Variants in TMEM207 observed in about 807,000 individuals in gnomAD.
TMEM207 encodes the protein SRSR846.
Under a neutral mutation model 17.4 loss-of-function variants are expected in TMEM207, and 15 were observed. That is an observed-to-expected ratio of 0.86 (90% CI 0.58 to 1.33). The LOEUF is 1.33. TMEM207 is among the 40% of genes most tolerant of loss of function. The probability of loss-of-function intolerance (pLI) is 0.00; values close to 1 mark genes in which losing one functional copy is unlikely to be tolerated. For missense variants in TMEM207, 205 were observed against 173.8 expected (o/e 1.18, Z -1.01); for synonymous variants, 70 against 65.6 (o/e 1.07, Z -0.33).
intron 4 of TMEM207, among the ~76,000 whole-genome samples, chr3:190,431,807 TAG>T (rs1286575559): frequency 1.3e-5 from 2 of 152,212 alleles, no homozygotes; most frequent in African/African-American, 2.4e-5. Flanking sequence ...CTCCCAGTAA[TAG>T]AGTCTTCACA....
chr3:190,433,893 T>C (rs139455454), intron 4 of TMEM207, among the ~76,000 whole-genome samples: 54 of 152,208 alleles, frequency 3.5e-4, no homozygotes, highest in African/African-American at 1.3e-3. Flanking sequence ...TCACGAGATC[T>C]GATTGTTTAA....
chr3:190,431,242 T>C (rs890504473), intron 4 of TMEM207, among the ~76,000 whole-genome samples: 1 of 152,044 alleles, frequency 6.6e-6, no homozygotes, highest in African/African-American at 2.4e-5. Flanking sequence ...GCAATAAGGG[T>C]ATAATACTCG....
intron 4 of TMEM207, among the ~76,000 whole-genome samples, chr3:190,431,296 T>G (rs1380042771): frequency 6.6e-6 from 1 of 152,102 alleles, no homozygotes; most frequent in Non-Finnish European, 1.5e-5. Flanking sequence ...ATAAAGTACT[T>G]AAAACAAGGC....
At chr3:190,442,982 C>T (rs1719965793) in intron 2 of TMEM207, among the ~76,000 whole-genome samples, 2 of 152,164 alleles carry the variant, frequency 1.3e-5, no homozygotes, top group South Asian at 4.1e-4. Flanking sequence ...ATGAAAAACT[C>T]TATCCCTTTC....
At position 190,440,280 on chromosome 3, in the gene TMEM207, C is replaced by T. The variant is rs767957861; in HGVS notation, c.268G>A (p.Ala90Thr). ...TCCAAGTCTCCAACAGCAAAAACTGCCATGGTGCGCCTGTGAGAATCAATT... is the reference window on the plus strand; with the variant it reads ...TCCAAGTCTCCAACAGCAAAAACTGTCATGGTGCGCCTGTGAGAATCAATT... ...PRIDSHRRTMAVFAVGDLDSI... is the reference protein window; with the variant it reads ...PRIDSHRRTMTVFAVGDLDSI... Residue 90 changes from alanine to threonine, a missense_variant, in exon 4 of 5, where the codon GCA becomes ACA. By Grantham distance (58) the Ala-to-Thr change is moderately conservative (BLOSUM62 0). Transcript: ENST00000354905. The T allele has an allele frequency of 1.2e-6, 2 of 1,613,848 alleles. No individual in the cohort carries two copies. Among genetic ancestry groups the T allele is most frequent in the Admixed American group, 1.7e-5 (1 of 59,984 alleles).
rs1387258416 is a variant in TMEM207, at chr3:190,443,767, A to T, written c.114-2285T>A. Reference sequence around the variant, plus strand: ...ATTACTCAAATATTACTTCCAAGATATTCAGTATAGGAAAGGTTATATTTT... The same window carrying T: ...ATTACTCAAATATTACTTCCAAGATTTTCAGTATAGGAAAGGTTATATTTT... On this transcript the variant is annotated intron_variant, in intron 2 of 4. Coordinates refer to ENST00000354905, the MANE Select transcript of TMEM207 (RefSeq NM_207316.3). Among the ~76,000 whole-genome samples the T allele has an allele frequency of 2.0e-5, 3 of 152,212 alleles. No individual in the cohort carries two copies. The East Asian group carries it at 5.8e-4, about 29-fold the overall frequency.
rs371252654 is a variant in TMEM207, at chr3:190,441,471, T to C, written c.125A>G (p.Tyr42Cys). The C allele has an allele frequency of 1.3e-5, 21 of 1,611,668 alleles. No homozygotes were observed. In the South Asian group the frequency reaches 1.4e-4, roughly 11 times the overall value. Reference sequence around the variant, plus strand: ...CCAGCCATTAGGGTGTTGGTCATTATAATTTACACACCTGGTGATAAAGGG... The same window carrying C: ...CCAGCCATTAGGGTGTTGGTCATTACAATTTACACACCTGGTGATAAAGGG... ...PCEEDEMCVN[Y>C]NDQHPNGWYI... The change falls in exon 3 of 5, where the codon TAT becomes TGT. Residue 42 changes from tyrosine (Y) to cysteine (C), a missense_variant. Coordinates refer to ENST00000354905, the MANE Select transcript of TMEM207 (RefSeq NM_207316.3).
Position 190,434,477 on chromosome 3 carries a change from G to A in TMEM207, c.305-4746C>T, listed in dbSNP as rs149328403. On this transcript the variant is annotated intron_variant, in intron 4 of 4. Coordinates refer to ENST00000354905, the MANE Select transcript of TMEM207 (RefSeq NM_207316.3). ...GACTTGCTCCTCCTTGCTTTCTACC[G>A]TGATAGTGAGGCTTCCCCAGCCACA... 7.9e-5 allele frequency among the ~76,000 whole-genome samples: 12 copies of A among 152,156 alleles called. No homozygotes were observed. The East Asian group carries it at 1.2e-3, about 15-fold the overall frequency.
At chr3:190,440,448 T>G (rs1719906523) in intron 3 of TMEM207, 59 bp from the exon 4 acceptor site, 1 of 1,497,732 alleles carries the variant, frequency 6.7e-7, no homozygotes, top group African/African-American at 1.4e-5. Flanking sequence ...AGTTAAGAGC[T>G]TCCATCACTA....
At chr3:190,447,675 A>G (rs548009955) in intron 2 of TMEM207, 115 bp downstream of exon 2, 2 of 996,162 alleles carry the variant, frequency 2.0e-6, no homozygotes, top group Non-Finnish European at 2.9e-6. Context: ...TTTTCTTCTG[A>G]TTATAATGAT....
intron 4 of TMEM207, among the ~76,000 whole-genome samples, chr3:190,431,662 T>C (rs548787520): frequency 6.6e-6 from 1 of 152,264 alleles, no homozygotes; most frequent in East Asian, 1.9e-4. Flanking sequence ...CTTGGTGAAC[T>C]GCCCCTAGTG....
At chr3:190,435,580 A>G (rs1719787676) in intron 4 of TMEM207, among the ~76,000 whole-genome samples, 1 of 152,154 alleles carries the variant, frequency 6.6e-6, no homozygotes, top group Non-Finnish European at 1.5e-5. Context: ...TATTGTGGAC[A>G]TGGAGAGTGA....
At position 190,429,781 on chromosome 3, in the gene TMEM207, A is replaced by T. The variant is rs541403994; in HGVS notation, c.305-50T>A. 2.6e-6 allele frequency: 4 copies of T among 1,530,150 alleles called. No individual in the cohort carries two copies. In the African/African-American group the frequency reaches 5.6e-5, roughly 21 times the overall value. The allele number at this position is 1,530,150 out of a possible 1,614,324, so 94.8% of individuals were successfully genotyped here. On this transcript the variant is annotated intron_variant, in intron 4 of 4. Transcript: ENST00000354905. ...GTAATCTTTCTAGTGAGCATAAAACATAAGTACATGAACTGCCCGATAAAA... is the reference window on the plus strand; with the variant it reads ...GTAATCTTTCTAGTGAGCATAAAACTTAAGTACATGAACTGCCCGATAAAA...
intron 4 of TMEM207, among the ~76,000 whole-genome samples, chr3:190,430,606 T>G (rs1719671749): frequency 6.6e-6 from 1 of 152,054 alleles, no homozygotes; most frequent in Non-Finnish European, 1.5e-5. Context: ...TTTTGACTGC[T>G]TTCTGCCAAA....
At chr3:190,440,807 G>A (rs568559357) in intron 3 of TMEM207, among the ~76,000 whole-genome samples, 2 of 152,318 alleles carry the variant, frequency 1.3e-5, no homozygotes, top group East Asian at 1.9e-4. Context: ...GGTGGCTCAA[G>A]CCTGTAATCC....
chr3:190,447,787 T>G lies in TMEM207; in HGVS notation c.113+3A>C. 1 of 1,611,722 alleles carries G rather than the reference T, an allele frequency of 6.2e-7. No homozygotes were observed. Among genetic ancestry groups the G allele is most frequent in the South Asian group, 1.1e-5 (1 of 90,420 alleles). On this transcript the variant is annotated splice_donor_region_variant and intron_variant, in intron 2 of 4. Transcript: ENST00000354905. ...AACATGGAGTTTTTCGCTGTTTACT[T>G]ACATTTCATCTTCTTCGCATGGTAG...
At chr3:190,443,674 C>T (rs1027672388) in intron 2 of TMEM207, among the ~76,000 whole-genome samples, 1 of 152,128 alleles carries the variant, frequency 6.6e-6, no homozygotes, top group Non-Finnish European at 1.5e-5. Flanking sequence ...TCATTATTTC[C>T]ATTTCTCTCT....
chr3:190,449,741 T>G lies in TMEM207; in HGVS notation c.69A>C (p.Leu23=), dbSNP rs1257514521. ...CAGAAAGAGAGATAGTTACCTGGAATAGCGGCAAACACAAGATCCCTATCG... is the reference window on the plus strand; with the variant it reads ...CAGAAAGAGAGATAGTTACCTGGAAGAGCGGCAAACACAAGATCCCTATCG... ...ISTIGILCLP[L]FQLVLSDLPC... is the part of the protein sequence containing the mutation. The change falls in exon 1 of 5, where the codon CTA becomes CTC. Residue 23 remains leucine (L), a synonymous_variant. Transcript: ENST00000354905. 6.2e-7 allele frequency: 1 copy of G among 1,613,682 alleles called. No homozygotes were observed. Among genetic ancestry groups the G allele is most frequent in the African/African-American group, 1.3e-5 (1 of 74,902 alleles).
intron 4 of TMEM207, among the ~76,000 whole-genome samples, chr3:190,433,794 C>T (rs1213235016): frequency 1.3e-5 from 2 of 151,910 alleles, no homozygotes; most frequent in Non-Finnish European, 2.9e-5. Flanking sequence ...GAAGACGGGG[C>T]CCGGTGGGAG....
Sources: allele counts gnomAD v4.1 joint callset (sites outside exome capture counted in the v4.1 genomes callset), GRCh38; gene constraint gnomAD v4.1.1; transcripts MANE v1.5; gene names NCBI Gene and HGNC (gene_info 2026-07-23, HGNC 2026-07-21).